Variants in PCDHGB3 observed in about 807,000 individuals in gnomAD.
PCDHGB3 encodes the protein protocadherin gamma-B3.
Under a neutral mutation model 59.2 loss-of-function variants are expected in PCDHGB3, and 40 were observed. The ratio of observed to expected loss-of-function variants is 0.68; its 90% CI spans 0.52 to 0.88. The LOEUF is 0.88. PCDHGB3 is among the 40% of genes least tolerant of loss of function. The probability of loss-of-function intolerance (pLI) is 0.00; values close to 1 mark genes in which losing one functional copy is unlikely to be tolerated. For synonymous variants in PCDHGB3, 581 were observed against 503.6 expected, an observed-to-expected ratio of 1.15 and a Z score of -2.06; for missense variants, 1,309 against 1,187.9, an observed-to-expected ratio of 1.10 and a Z score of -1.50.
chr5:141,434,506 T>C (rs2154556236), intron 1 of PCDHGB3, among the ~76,000 whole-genome samples: 2 of 152,344 alleles, frequency 1.3e-5, no homozygotes, highest in East Asian at 3.9e-4. Context: ...GGCAGAAAAC[T>C]GCTTAAAGGT....
At chr5:141,398,421 G>A in intron 1 of PCDHGB3, 2 of 1,510,606 alleles carry the variant, frequency 1.3e-6, no homozygotes, top group Non-Finnish European at 1.8e-6. Context: ...TATGCGGGAA[G>A]AAGCCAGCTT....
intron 1 of PCDHGB3, among the ~76,000 whole-genome samples, chr5:141,443,592 G>A (rs2098395439): frequency 6.6e-6 from 1 of 152,076 alleles, no homozygotes; most frequent in Admixed American, 6.6e-5. Context: ...AACAGAATGT[G>A]GTATATGAAA....
chr5:141,401,940 A>T (rs1423719749), intron 1 of PCDHGB3, among the ~76,000 whole-genome samples: 1 of 152,236 alleles, frequency 6.6e-6, no homozygotes, highest in Non-Finnish European at 1.5e-5. Flanking sequence ...AATAATGTTT[A>T]AGACCACTTT....
At chr5:141,464,407 A>G (rs996561936) in intron 1 of PCDHGB3, among the ~76,000 whole-genome samples, 1 of 151,544 alleles carries the variant, frequency 6.6e-6, no homozygotes, top group Non-Finnish European at 1.5e-5. Flanking sequence ...CCTGAGATAT[A>G]TATATATCTA....
chr5:141,403,690 T>G, intron 1 of PCDHGB3: 1 of 1,613,908 alleles, frequency 6.2e-7, no homozygotes, highest in Non-Finnish European at 8.5e-7. Context: ...CTCAACGGAT[T>G]TACCGAGTTA....
intron 1 of PCDHGB3, chr5:141,383,222 TC>T: frequency 6.2e-7 from 1 of 1,613,962 alleles, no homozygotes. Flanking sequence ...AACTTTAACA[TC>T]CTGATGGAAG....
intron 1 of PCDHGB3, among the ~76,000 whole-genome samples, chr5:141,402,220 C>T (rs1489596372): frequency 2.0e-5 from 3 of 151,886 alleles, no homozygotes; most frequent in African/African-American, 2.4e-5. Context: ...TTAAAATAAA[C>T]GTTTTTCCAG....
At chr5:141,421,767 C>T in intron 1 of PCDHGB3, 2 of 1,613,906 alleles carry the variant, frequency 1.2e-6, no homozygotes, top group South Asian at 1.1e-5. Context: ...ATTACTTTTC[C>T]TTGCAACTGC....
At chr5:141,508,642 T>A (rs893357826) in intron 3 of PCDHGB3, among the ~76,000 whole-genome samples, 13 of 152,070 alleles carry the variant, frequency 8.5e-5, no homozygotes, top group Admixed American at 2.6e-4. Flanking sequence ...AGCTACTCCG[T>A]CAGGCCCTTC....
rs2094361083 is a variant in PCDHGB3 at position 141,403,148 on chromosome 5, A to T, written c.2415+30339A>T. The T allele has an allele frequency of 2.5e-6, 4 of 1,614,050 alleles. No homozygotes were observed. The South Asian group carries it at 4.4e-5, about 18-fold the overall frequency. On this transcript the variant is annotated intron_variant, in intron 1 of 3. Coordinates refer to ENST00000576222, the MANE Select transcript of PCDHGB3 (RefSeq NM_018924.5). ...GGAGCTGGCGGAGCGCCGAGTCCGC[A>T]TCGTCTCTAGAGGTAGGACGCAGCT...
intron 1 of PCDHGB3, chr5:141,397,999 G>GA (rs2093596115): frequency 2.9e-6 from 4 of 1,387,690 alleles, no homozygotes; most frequent in African/African-American, 2.9e-5. Flanking sequence ...TTCCTCCTCG[G>GA]AAAAAGAATC....
chr5:141,389,182 G>T, intron 1 of PCDHGB3: 1 of 1,614,032 alleles, frequency 6.2e-7, no homozygotes, highest in Non-Finnish European at 8.5e-7. Flanking sequence ...CTCTCCTCCA[G>T]TTCCAGCATC....
rs546656566 is a variant in PCDHGB3, at chr5:141,389,499, G to C, written c.2415+16690G>C. 10 of 1,613,058 alleles carry C rather than the reference G, an allele frequency of 6.2e-6. No homozygotes were observed. The African/African-American group carries it at 1.1e-4, about 17-fold the overall frequency. On this transcript the variant is annotated intron_variant, in intron 1 of 3. Coordinates refer to ENST00000576222, the MANE Select transcript of PCDHGB3 (RefSeq NM_018924.5). ...GCAGGCCCGCGACCAGGGCTCGCCA[G>C]CGCTCAGCGCGAACGTGAGCCTGCG... is the stretch of plus-strand genomic sequence containing the variant.
intron 1 of PCDHGB3, among the ~76,000 whole-genome samples, chr5:141,460,961 A>ATGTG (rs35821115): frequency 4.1e-5 from 6 of 144,616 alleles, no homozygotes; most frequent in South Asian, 2.2e-4. Context: ...GTATATATAT[A>ATGTG]TGTGTGTGTG....
intron 2 of PCDHGB3, among the ~76,000 whole-genome samples, chr5:141,501,771 G>A (rs957546749): frequency 7.2e-5 from 11 of 152,118 alleles, no homozygotes; most frequent in African/African-American, 2.7e-4. Context: ...GGTTAAAAAA[G>A]AGGTCTCTCT....
rs748704102 is a variant in PCDHGB3 at position 141,371,795 on chromosome 5, T to C, written c.1401T>C (p.Pro467=). Residue 467 remains proline (P), a synonymous_variant, in exon 1 of 4, where the codon CCT becomes CCC. Transcript: ENST00000576222. ...TGCATGTAGCTGAGAACAATCCGCC[T>C]GGAGCCTCCATTGCGCATGTCAGAG... ...YTVHVAENNP[P]GASIAHVRAS... 2 of 1,613,908 alleles carry C rather than the reference T, an allele frequency of 1.2e-6. No individual in the cohort carries two copies. The highest frequency in any genetic ancestry group is 1.7e-6 in the Non-Finnish European group (2 of 1,179,888).
chr5:141,401,017 T>C (rs2094103677), intron 1 of PCDHGB3, among the ~76,000 whole-genome samples: 3 of 152,226 alleles, frequency 2.0e-5, no homozygotes, highest in Admixed American at 2.0e-4. Context: ...AATGGATTTA[T>C]GATTTTTTGA....
intron 1 of PCDHGB3, chr5:141,430,541 C>T: frequency 2.5e-6 from 1 of 392,344 alleles, no homozygotes; most frequent in Non-Finnish European, 4.5e-6. Flanking sequence ...ACTCTGAGCG[C>T]CGCTGTTCAC....
At chr5:141,423,701 G>A in intron 1 of PCDHGB3, 1 of 1,312,668 alleles carries the variant, frequency 7.6e-7, no homozygotes, top group Non-Finnish European at 9.9e-7. Flanking sequence ...TGGTGTCTTG[G>A]CACAAGTCTT....
Sources: gnomAD v4.1 joint callset for allele counts (sites outside exome capture counted in the v4.1 genomes callset) on GRCh38, gnomAD v4.1.1 for gene constraint, MANE v1.5 for transcripts, NCBI Gene and HGNC (gene_info 2026-07-23, HGNC 2026-07-21) for gene names.